The following TNRC18 variants were observed in gnomAD, a reference collection of about 807,000 sequenced individuals.
TNRC18 encodes the protein trinucleotide repeat containing 18, also known as trinucleotide repeat-containing gene 18 protein.
A neutral mutation model predicts 226.7 loss-of-function variants in TNRC18; 69 were observed. The ratio of observed to expected loss-of-function variants is 0.30; its 90% CI spans 0.25 to 0.37. The LOEUF (loss-of-function observed/expected upper bound fraction) is 0.37, where lower values mean the gene tolerates loss of function less well. Ranked by LOEUF, TNRC18 falls within the 10% of genes least tolerant of loss-of-function variation. The pLI is 1.00. For synonymous variants in TNRC18, 2,449 were observed against 1,927.6 expected (o/e 1.27, Z -7.09); for missense variants, 4,754 against 4,256.6 (o/e 1.12, Z -3.25).
chr7:5,395,714 G>A (rs1010544672), intron 2 of TNRC18, among the ~76,000 whole-genome samples: 4 of 152,204 alleles, frequency 2.6e-5, no homozygotes, highest in South Asian at 2.1e-4. Context: ...TAATGAGGCC[G>A]AACACGGTGG....
rs774373244 is a variant in TNRC18 at position 5,308,064 on chromosome 7, G to A, written c.*42C>T. On this transcript the variant is annotated 3_prime_UTR_variant, in exon 30 of 30. Transcript: ENST00000430969. ...ATGGCAGTGATGGAGATGGGTCCCT[G>A]GCCGCCCTCGGGGCACAGGTGGCCC... 27 of 1,525,534 alleles carry A rather than the reference G, an allele frequency of 1.8e-5. No homozygotes were observed. The Admixed American group carries it at 4.8e-4, about 27-fold the overall frequency. 94.5% of individuals were successfully genotyped at this position (1,525,534 alleles called of 1,614,324 possible).
At chr7:5,418,907 G>C (rs1046529443) in intron 2 of TNRC18, among the ~76,000 whole-genome samples, 3 of 152,214 alleles carry the variant, frequency 2.0e-5, no homozygotes, top group African/African-American at 7.2e-5. Flanking sequence ...TGGGGTCCGA[G>C]GTCTCCTTGC....
intron 18 of TNRC18, among the ~76,000 whole-genome samples, chr7:5,339,463 C>T (rs1790453418): frequency 6.6e-6 from 1 of 151,958 alleles, no homozygotes; most frequent in South Asian, 2.1e-4. Flanking sequence ...TGGTCTCAAA[C>T]TCCTGACCTC....
rs767740439 is a variant in TNRC18, at chr7:5,376,145, G to A, written c.2688C>T (p.Ala896=). 16 of 1,587,250 alleles carry A rather than the reference G, an allele frequency of 1.0e-5. No homozygotes were observed. The highest frequency in any genetic ancestry group is 8.9e-5 in the Admixed American group (5 of 56,036). ...GCTGTGAGAAGAGCTGCAGCTGCTG[G>A]GCGTGGTGCAGGGGGCTGCGGCCCG... is the stretch of plus-strand genomic sequence containing the variant. The part of the protein sequence containing the change: ...YPPGRSPLHH[A]QQLQLFSQQH... Residue 896 remains alanine, a synonymous_variant, in exon 9 of 30, where the codon GCC becomes GCT. Coordinates refer to ENST00000430969, the MANE Select transcript of TNRC18 (RefSeq NM_001080495.3).
chr7:5,340,076 G>A (rs189029859), intron 18 of TNRC18, among the ~76,000 whole-genome samples: 73 of 152,186 alleles, frequency 4.8e-4, no homozygotes, highest in African/African-American at 1.6e-3. Flanking sequence ...ACTTTAAATC[G>A]AAAGCTAGAA....
At chr7:5,387,531 C>T (rs140831524) in intron 5 of TNRC18, 141 bp downstream of exon 5, 45 of 1,232,292 alleles carry the variant, frequency 3.7e-5, no homozygotes, top group Non-Finnish European at 4.5e-5. Context: ...ATGCTCGCAA[C>T]AGAACATTCA....
Position 5,374,195 on chromosome 7 carries a change from TGGGAGCTGGGGGTGGCGGGG to T in TNRC18, c.3069_3088del (p.Tyr1023Ter). 9.8e-6 allele frequency: 1 copy of T among 102,532 alleles called. No homozygotes were observed. The highest frequency in any genetic ancestry group is 8.0e-4 in the East Asian group (1 of 1,256). The allele number at this position is 102,532 out of a possible 1,614,324, so 6.4% of individuals were successfully genotyped here. ...GGAGGCGGGCGGCGGGCTGGTGGGG[TGGGAGCTGGGGGTGGCGGGG>T]TAGGCGTAGGCGGGTGGCTTGGACA... On this transcript the variant is annotated stop_gained and frameshift_variant, in exon 10 of 30. Coordinates refer to ENST00000430969, the MANE Select transcript of TNRC18 (RefSeq NM_001080495.3). LOFTEE classifies it high-confidence loss of function.
intron 4 of TNRC18, 104 bp from the exon 5 acceptor site, chr7:5,389,440 T>C: frequency 9.1e-7 from 1 of 1,094,374 alleles, no homozygotes; most frequent in Non-Finnish European, 1.1e-6. Context: ...AACCCATGCC[T>C]CCCCCAGTGT....
In TNRC18 at chr7:5,389,284, C is replaced by A; in HGVS notation, c.540G>T (p.Ala180=). 2 of 1,289,836 alleles carry A rather than the reference C, an allele frequency of 1.6e-6. No individual in the cohort carries two copies. Among genetic ancestry groups the A allele is most frequent in the East Asian group, 3.1e-5 (1 of 32,346 alleles). 79.9% of individuals were successfully genotyped at this position (1,289,836 alleles called of 1,614,324 possible). The change falls in exon 5 of 30, where the codon GCG becomes GCT. Residue 180 remains alanine (A), a synonymous_variant. Coordinates refer to ENST00000430969, the MANE Select transcript of TNRC18 (RefSeq NM_001080495.3). ...AGAPGSLHSH[A]PSARTPGGGH... ...CGCCGCCAGGGGTCCGGGCCGAGGG[C>A]GCGTGAGAGTGCAGGGAGCCCGGAG...
chr7:5,330,923 C>A (rs2128125660), intron 19 of TNRC18, among the ~76,000 whole-genome samples: 1 of 152,252 alleles, frequency 6.6e-6, no homozygotes, highest in South Asian at 2.1e-4. Flanking sequence ...GATCCACCCA[C>A]CTTGGCCTCC....
chr7:5,359,595 A>T, intron 14 of TNRC18, 26 bp from the exon 15 acceptor site: 1 of 1,612,468 alleles, frequency 6.2e-7, no homozygotes, highest in Non-Finnish European at 8.5e-7. Context: ...ACTGCCGGTC[A>T]GCACCCTGGC....
At chr7:5,389,449 G>A in intron 4 of TNRC18, 113 bp from the exon 5 acceptor site, 3 of 626,684 alleles carry the variant, frequency 4.8e-6, no homozygotes, top group Non-Finnish European at 5.9e-6. Context: ...CTCCCCCAGT[G>A]TTTTGGTTTT....
At chr7:5,336,237 TG>T (rs1338001891) in intron 18 of TNRC18, among the ~76,000 whole-genome samples, 2 of 142,418 alleles carry the variant, frequency 1.4e-5, no homozygotes, top group African/African-American at 5.2e-5. Flanking sequence ...ACTAGACAAA[TG>T]AAGAACCAAG....
intron 2 of TNRC18, among the ~76,000 whole-genome samples, chr7:5,404,533 C>T (rs1283850696): frequency 1.3e-5 from 2 of 152,200 alleles, no homozygotes; most frequent in South Asian, 2.1e-4. Context: ...GTGGAGGGCG[C>T]TGGGTGGTTA....
At chr7:5,367,434 GT>G (rs1286081122) in intron 11 of TNRC18, among the ~76,000 whole-genome samples, 4 of 145,930 alleles carry the variant, frequency 2.7e-5, no homozygotes, top group African/African-American at 2.5e-5. Flanking sequence ...TTTGTTTTTT[GT>G]TTTTTTTTTG....
intron 15 of TNRC18, among the ~76,000 whole-genome samples, chr7:5,357,617 G>C (rs1218955738): frequency 6.6e-6 from 1 of 152,092 alleles, no homozygotes. Context: ...CTGGTAGCTG[G>C]GAATACAGGC....
At chr7:5,391,089 T>C (rs1241597922) in intron 3 of TNRC18, among the ~76,000 whole-genome samples, 1 of 152,144 alleles carries the variant, frequency 6.6e-6, no homozygotes, top group African/African-American at 2.4e-5. Context: ...CCAGGACTCT[T>C]AACCTCAGCC....
At chr7:5,406,573 G>A (rs1300048120) in intron 2 of TNRC18, among the ~76,000 whole-genome samples, 3 of 149,932 alleles carry the variant, frequency 2.0e-5, no homozygotes, top group South Asian at 2.1e-4. Context: ...AGTAGAGGCC[G>A]GGCCCAGTGG....
At chr7:5,405,477 G>A (rs1222336639) in intron 2 of TNRC18, among the ~76,000 whole-genome samples, 3 of 152,126 alleles carry the variant, frequency 2.0e-5, no homozygotes, top group Non-Finnish European at 2.9e-5. Context: ...GCTAAGGCAG[G>A]AGAATCCCTT....
Sources: gnomAD v4.1 joint callset for allele counts (sites outside exome capture counted in the v4.1 genomes callset) on GRCh38, gnomAD v4.1.1 for gene constraint, MANE v1.5 for transcripts, NCBI Gene and HGNC (gene_info 2026-07-23, HGNC 2026-07-21) for gene names.